DNAJC21: variants seen among roughly 807,000 people sequenced by gnomAD.
The protein encoded by DNAJC21 is DnaJ heat shock protein family (Hsp40) member C21, also known as dnaJ homolog subfamily C member 21.
In DNAJC21, 63 loss-of-function variants were observed where a neutral mutation model predicts 72.4. The ratio of observed to expected loss-of-function variants is 0.87; its 90% CI spans 0.71 to 1.07. DNAJC21 has a LOEUF of 1.07. DNAJC21 is among the 50% of genes least tolerant of loss of function. The probability of loss-of-function intolerance (pLI) is 0.00; values close to 1 mark genes in which losing one functional copy is unlikely to be tolerated. For missense variants in DNAJC21, 634 were observed against 644.8 expected (o/e 0.98, Z 0.18); for synonymous variants, 203 against 216.7 (o/e 0.94, Z 0.56).
intron 10 of DNAJC21, chr5:34,951,557 T>C (rs1765365081): frequency 2.0e-6 from 2 of 983,706 alleles, no homozygotes; most frequent in South Asian, 9.4e-5. Context: ...AGATGGAGTC[T>C]CGCTCTGTTG....
At chr5:34,931,933 G>T (rs1213778136) in intron 1 of DNAJC21, among the ~76,000 whole-genome samples, 1 of 152,168 alleles carries the variant, frequency 6.6e-6, no homozygotes, top group African/African-American at 2.4e-5. Context: ...AACCTGTTAG[G>T]AACTGAATGC....
chr5:34,941,150 C>G lies in DNAJC21; in HGVS notation c.950C>G (p.Pro317Arg). Residue 317 changes from proline (P) to arginine (R), a missense_variant, in exon 7 of 12, where the codon CCA (proline) becomes CGA (arginine). By Grantham distance (103) the Pro-to-Arg change is moderately radical. Transcript: ENST00000648817. ...DAELYDDLYC[P>R]ACDKSFKTEK... is the part of the protein sequence containing the mutation. ...GAGCTCTATGATGACCTTTACTGCC[C>G]AGCATGTGACAAATCGTTCAAGACA... 1 of 1,614,082 alleles carries G rather than the reference C, an allele frequency of 6.2e-7. No homozygotes were observed. Among genetic ancestry groups the G allele is most frequent in the East Asian group, 2.2e-5 (1 of 44,890 alleles).
chr5:34,937,184 G>A (rs1290612294), intron 4 of DNAJC21, 142 bp from the exon 5 acceptor site: 8 of 861,274 alleles, frequency 9.3e-6, no homozygotes, highest in East Asian at 5.5e-5. Flanking sequence ...AGCCTTAAAA[G>A]TACTGTCTTC....
At chr5:34,937,057 T>C (rs1045355428) in intron 4 of DNAJC21, among the ~76,000 whole-genome samples, 1 of 152,210 alleles carries the variant, frequency 6.6e-6, no homozygotes, top group African/African-American at 2.4e-5. Flanking sequence ...ACTTTTCCCT[T>C]TTAATTTACT....
At chr5:34,931,139 G>A (rs536549048) in intron 1 of DNAJC21, among the ~76,000 whole-genome samples, 1 of 152,254 alleles carries the variant, frequency 6.6e-6, no homozygotes, top group East Asian at 1.9e-4. Context: ...AGGAGTGGAA[G>A]GAAAGGTCAG....
At position 34,939,146 on chromosome 5, in the gene DNAJC21, C is replaced by T. The variant is rs1764899801; in HGVS notation, c.895+137C>T. 1.3e-5 allele frequency: 10 copies of T among 757,012 alleles called. No individual in the cohort carries two copies. In the South Asian group the frequency reaches 2.1e-4, roughly 16 times the overall value. The allele number at this position is 757,012 out of a possible 1,614,324, so 46.9% of individuals were successfully genotyped here. On this transcript the variant is annotated intron_variant, in intron 6 of 11. Transcript: ENST00000648817. Reference sequence around the variant, plus strand: ...TGTTGTATGGGCCAAAGGTAGTCGGCTGAGCTAGTCTAATTCAAGTAATTT... The same window carrying T: ...TGTTGTATGGGCCAAAGGTAGTCGGTTGAGCTAGTCTAATTCAAGTAATTT...
Position 34,937,503 on chromosome 5 carries a change from C to T in DNAJC21, c.616C>T (p.Leu206=), listed in dbSNP as rs139626857. ...RKEKNELVRQ[L]VAFIRKRDKR... is the part of the protein sequence containing the mutation. ...AGAGAAGAATGAGCTTGTCCGTCAG[C>T]TGGTAGCTTTCATTCGTAAAAGAGA... Residue 206 remains leucine, a synonymous_variant, in exon 5 of 12, where the codon CTG becomes TTG. Coordinates refer to ENST00000648817, the MANE Select transcript of DNAJC21 (RefSeq NM_001012339.3). The T allele has an allele frequency of 4.0e-5, 64 of 1,614,018 alleles. No homozygotes were observed. Among genetic ancestry groups the T allele is most frequent in the Non-Finnish European group, 3.3e-5 (39 of 1,179,988 alleles).
chr5:34,932,480 T>C (rs1357360142), intron 1 of DNAJC21, among the ~76,000 whole-genome samples: 2 of 151,824 alleles, frequency 1.3e-5, no homozygotes, highest in South Asian at 2.1e-4. Flanking sequence ...TGCTTTACGT[T>C]CTGAATATAT....
At chr5:34,945,364 C>T (rs2112074378) in intron 8 of DNAJC21, among the ~76,000 whole-genome samples, 1 of 152,298 alleles carries the variant, frequency 6.6e-6, no homozygotes, top group African/African-American at 2.4e-5. Flanking sequence ...AGGTGTGAGC[C>T]ACTGCGCCCG....
rs879677473 is a variant in DNAJC21, at chr5:34,956,431, C to G, written c.*1717C>G. On this transcript the variant is annotated 3_prime_UTR_variant, in exon 12 of 12. Coordinates refer to ENST00000648817, the MANE Select transcript of DNAJC21 (RefSeq NM_001012339.3). ...TTGTCCCTGCTCCCCTTCTTGATCTCTTCAGGGGGAATACTAGGCAGTTTT... is the reference window on the plus strand; with the variant it reads ...TTGTCCCTGCTCCCCTTCTTGATCTGTTCAGGGGGAATACTAGGCAGTTTT... The G allele has an allele frequency of 7.9e-5, 12 of 152,142 alleles. No individual in the cohort carries two copies. The highest frequency in any genetic ancestry group is 3.3e-4 in the Admixed American group (5 of 15,276). 9.4% of individuals were successfully genotyped at this position (152,142 alleles called of 1,614,324 possible). A position where few individuals can be genotyped will look rare whatever the true frequency, so the allele number is the denominator to read the frequency against.
rs1275622901 is a variant in DNAJC21, at chr5:34,955,229, T to A, written c.*515T>A. On this transcript the variant is annotated 3_prime_UTR_variant, in exon 12 of 12. Coordinates refer to ENST00000648817, the MANE Select transcript of DNAJC21 (RefSeq NM_001012339.3). ...ATTATTGATTACTGTATTTTTTTTC[T>A]CAAGAACAGTGATAGGTAGAAACTA... 6.6e-6 allele frequency: 1 copy of A among 152,284 alleles called. No individual in the cohort carries two copies. The highest frequency in any genetic ancestry group is 1.5e-5 in the Non-Finnish European group (1 of 68,070). The allele number at this position is 152,284 out of a possible 1,614,324, so 9.4% of individuals were successfully genotyped here.
chr5:34,935,432 CAG>C (rs1375578828), intron 2 of DNAJC21, among the ~76,000 whole-genome samples: 2 of 152,156 alleles, frequency 1.3e-5, no homozygotes, highest in African/African-American at 4.8e-5. Flanking sequence ...GTACGGGACT[CAG>C]AGACAGTCAT....
Position 34,929,664 on chromosome 5 carries a change from C to T in DNAJC21, c.-156C>T, listed in dbSNP as rs1055038505. 1.1e-3 allele frequency: 188 copies of T among 176,942 alleles called. No individual in the cohort carries two copies. Among genetic ancestry groups the T allele is most frequent in the African/African-American group, 4.2e-3 (172 of 41,350 alleles). 11.0% of individuals were successfully genotyped at this position (176,942 alleles called of 1,614,324 possible). On this transcript the variant is annotated 5_prime_UTR_variant, in exon 1 of 12. Transcript: ENST00000648817. ...CTTCACTGACCTACACCACCGCCGC[C>T]GCCGCCGCCGCCGCCGGGCTCGCTG...
intron 5 of DNAJC21, among the ~76,000 whole-genome samples, 163 bp downstream of exon 5, chr5:34,937,793 G>T (rs1764842498): frequency 6.6e-6 from 1 of 152,046 alleles, no homozygotes; most frequent in Admixed American, 6.6e-5. Context: ...TTCATCTACT[G>T]TGTAAAAATT....
intron 7 of DNAJC21, 116 bp from the exon 8 acceptor site, chr5:34,944,751 A>T (rs1765116253): frequency 3.7e-6 from 5 of 1,336,852 alleles, no homozygotes; most frequent in Non-Finnish European, 5.2e-6. Context: ...AGAATCAGAA[A>T]CGTTTTGCTT....
chr5:34,941,985 A>G (rs1344306280), intron 7 of DNAJC21, among the ~76,000 whole-genome samples: 3 of 152,094 alleles, frequency 2.0e-5, no homozygotes, highest in African/African-American at 7.2e-5. Flanking sequence ...AGCAGGGTAG[A>G]AAGAGGTATT....
At chr5:34,951,717 G>T in intron 10 of DNAJC21, 2 of 830,098 alleles carry the variant, frequency 2.4e-6, no homozygotes, top group Non-Finnish European at 2.9e-6. Context: ...TAGTAGAGAC[G>T]GTTTCACCAT....
At chr5:34,949,747 A>T in intron 9 of DNAJC21, 1 of 1,595,686 alleles carries the variant, frequency 6.3e-7, no homozygotes, top group Non-Finnish European at 8.5e-7. Flanking sequence ...ATTGTTTGTG[A>T]CTGTAGAAGA....
intron 9 of DNAJC21, among the ~76,000 whole-genome samples, chr5:34,949,119 C>T (rs1404508911): frequency 1.3e-5 from 2 of 152,140 alleles, no homozygotes; most frequent in Non-Finnish European, 2.9e-5. Context: ...GGAAAACATA[C>T]TTTACAGTTG....
Sources: allele counts gnomAD v4.1 joint callset (sites outside exome capture counted in the v4.1 genomes callset), GRCh38; gene constraint gnomAD v4.1.1; transcripts MANE v1.5; gene names NCBI Gene and HGNC (gene_info 2026-07-23, HGNC 2026-07-21).